Variants in ZBTB20 observed in about 807,000 individuals in gnomAD.
ZBTB20 encodes zinc finger and BTB domain-containing protein 20.
ZBTB20 carries 9 observed loss-of-function variants against 56.9 expected under a neutral mutation model. The ratio of observed to expected loss-of-function variants is 0.16; its 90% CI spans 0.10 to 0.28. The LOEUF is 0.28. Among genes scored for constraint, ZBTB20 ranks in the 10% least tolerant of loss-of-function variants. ZBTB20 has a pLI of 1.00. For synonymous variants in ZBTB20, 417 were observed against 420.7 expected, an observed-to-expected ratio of 0.99 and a Z score of 0.11; for missense variants, 655 against 1,003.0, an observed-to-expected ratio of 0.65 and a Z score of 4.69.
intron 7 of ZBTB20, among the ~76,000 whole-genome samples, chr3:114,420,953 T>C (rs2718421): frequency 0.91 from 138,627 of 151,908 alleles, 64,607 homozygotes; most frequent in East Asian, 1. Flanking sequence ...TGAAAGAAAG[T>C]AGCCTAGCAC....
chr3:115,070,333 C>T (rs117494450), intron 2 of ZBTB20, among the ~76,000 whole-genome samples: 1,796 of 152,200 alleles, frequency 0.012, 77 homozygotes, highest in Admixed American at 0.089. Context: ...TATTTTTGAA[C>T]TCATATTTTA....
intron 7 of ZBTB20, among the ~76,000 whole-genome samples, chr3:114,436,561 A>G (rs1261951044): frequency 1.3e-5 from 2 of 152,312 alleles, no homozygotes; most frequent in East Asian, 3.9e-4. Flanking sequence ...TACTCTTATA[A>G]TGTTACCTGT....
intron 3 of ZBTB20, among the ~76,000 whole-genome samples, chr3:114,971,097 A>G (rs1174183536): frequency 6.6e-6 from 1 of 152,186 alleles, no homozygotes; most frequent in African/African-American, 2.4e-5. Context: ...GAGTATCAAA[A>G]CTGGGAATTT....
At chr3:114,601,316 GGAGTCCTTAA>G (rs1395084973) in intron 6 of ZBTB20, among the ~76,000 whole-genome samples, 5 of 151,964 alleles carry the variant, frequency 3.3e-5, no homozygotes, top group African/African-American at 1.2e-4. Flanking sequence ...CAGCAGCCTG[GGAGTCCTTAA>G]GACAAAACTC....
chr3:114,594,727 T>C (rs2107588055), intron 6 of ZBTB20, among the ~76,000 whole-genome samples: 1 of 152,278 alleles, frequency 6.6e-6, no homozygotes, highest in East Asian at 1.9e-4. Flanking sequence ...TTATTGACAA[T>C]AATAAAGGCA....
chr3:114,834,446 G>A (rs6802988), intron 4 of ZBTB20, among the ~76,000 whole-genome samples: 31,405 of 151,934 alleles, frequency 0.21, 3,440 homozygotes, highest in Middle Eastern at 0.26. Flanking sequence ...TGGTAAGTTC[G>A]TCTCTTAGTC....
chr3:114,344,990 C>A (rs1430890431), intron 11 of ZBTB20, among the ~76,000 whole-genome samples: 2 of 139,142 alleles, frequency 1.4e-5, no homozygotes, highest in African/African-American at 5.2e-5. Context: ...AAAAAAAAAA[C>A]ACGAAAGTGT....
In ZBTB20 at chr3:114,437,401, C is replaced by T. The variant is rs568329362; in HGVS notation, c.-254-48296G>A. Among the ~76,000 whole-genome samples, 7 of 152,232 alleles carry T rather than the reference C, an allele frequency of 4.6e-5. No individual in the cohort carries two copies. In the South Asian group the frequency reaches 1.5e-3, roughly 32 times the overall value. On this transcript the variant is annotated intron_variant, in intron 7 of 11. Coordinates refer to ENST00000675478, the MANE Select transcript of ZBTB20 (RefSeq NM_001348800.3). ...AGCTTAATCTCATATAATTTAAACT[C>T]ACAAAGACTATCTCTCCATCAGATC...
chr3:114,341,689 G>A (rs563348972), intron 11 of ZBTB20, among the ~76,000 whole-genome samples: 3 of 152,320 alleles, frequency 2.0e-5, no homozygotes, highest in African/African-American at 7.2e-5. Flanking sequence ...TTGTGTGCAT[G>A]TAGTATTGGT....
chr3:114,589,742 C>A (rs1261144535), intron 6 of ZBTB20, among the ~76,000 whole-genome samples: 1 of 152,204 alleles, frequency 6.6e-6, no homozygotes, highest in Non-Finnish European at 1.5e-5. Context: ...TGTGAACACT[C>A]TTTAGCAACA....
chr3:114,910,626 ATTAT>A (rs1332116535), intron 3 of ZBTB20, among the ~76,000 whole-genome samples: 5 of 152,064 alleles, frequency 3.3e-5, no homozygotes, highest in African/African-American at 1.2e-4. Flanking sequence ...TTTTGCATAT[ATTAT>A]TTAATCTGTA....
chr3:114,469,407 CTTT>C (rs2039862876), intron 7 of ZBTB20, among the ~76,000 whole-genome samples: 2 of 152,096 alleles, frequency 1.3e-5, no homozygotes, highest in African/African-American at 4.8e-5. Flanking sequence ...AAGAAACATG[CTTT>C]AATGATATAA....
At chr3:114,349,642 G>C (rs2080478807) in intron 11 of ZBTB20, among the ~76,000 whole-genome samples, 2 of 152,010 alleles carry the variant, frequency 1.3e-5, no homozygotes, top group African/African-American at 4.8e-5. Flanking sequence ...TCCAATCATT[G>C]GTCTAGTTCC....
chr3:114,746,305 A>G (rs1361480846), intron 5 of ZBTB20, among the ~76,000 whole-genome samples: 3 of 152,074 alleles, frequency 2.0e-5, no homozygotes, highest in Admixed American at 6.6e-5. Flanking sequence ...TATACTCAAC[A>G]TGTTAAGTGC....
In ZBTB20 at chr3:115,082,239, T is replaced by C. The variant is rs554450757; in HGVS notation, c.-702-10825A>G. Among the ~76,000 whole-genome samples, 44 of 152,342 alleles carry C rather than the reference T, an allele frequency of 2.9e-4. 1 individual carries two copies. The South Asian group carries it at 5.8e-3, about 20-fold the overall frequency. On this transcript the variant is annotated intron_variant, in intron 1 of 11. Transcript: ENST00000675478. Reference sequence around the variant, plus strand: ...GTTCTAAAATTGCGGTTTATAAAAATTGAAATCTTGTTCTAAGCCAAAACA... The same window carrying C: ...GTTCTAAAATTGCGGTTTATAAAAACTGAAATCTTGTTCTAAGCCAAAACA...
At chr3:115,043,305 T>C (rs2081213178) in intron 2 of ZBTB20, among the ~76,000 whole-genome samples, 1 of 151,874 alleles carries the variant, frequency 6.6e-6, no homozygotes. Flanking sequence ...ACACCTGTAA[T>C]CCCAGCACTC....
intron 6 of ZBTB20, among the ~76,000 whole-genome samples, chr3:114,656,848 A>G (rs1256898852): frequency 1.3e-5 from 2 of 152,130 alleles, no homozygotes; most frequent in African/African-American, 2.4e-5. Context: ...GGTTCAAGCT[A>G]TCTATTCTCA....
chr3:114,659,200 G>T (rs1313544602), intron 6 of ZBTB20, among the ~76,000 whole-genome samples: 3 of 152,110 alleles, frequency 2.0e-5, no homozygotes, highest in Non-Finnish European at 2.9e-5. Flanking sequence ...TGTGGCTCCT[G>T]GCAGTGTTCC....
intron 7 of ZBTB20, among the ~76,000 whole-genome samples, chr3:114,471,363 G>A (rs911851351): frequency 2.0e-5 from 3 of 152,132 alleles, no homozygotes; most frequent in Non-Finnish European, 4.4e-5. Context: ...TTACTCCAGA[G>A]CTTTGCTTTT....
Sources: gnomAD v4.1 joint callset for allele counts (sites outside exome capture counted in the v4.1 genomes callset) on GRCh38, gnomAD v4.1.1 for gene constraint, MANE v1.5 for transcripts, NCBI Gene and HGNC (gene_info 2026-07-23, HGNC 2026-07-21) for gene names.